Variants in PDIA3 observed in about 807,000 individuals in gnomAD.
PDIA3 encodes protein disulfide isomerase family A member 3, also known as protein disulfide-isomerase A3.
A neutral mutation model predicts 56.9 loss-of-function variants in PDIA3; 16 were observed. The ratio of observed to expected loss-of-function variants is 0.28; its 90% CI spans 0.19 to 0.43. The LOEUF (loss-of-function observed/expected upper bound fraction) is 0.43. PDIA3 is among the 20% of genes least tolerant of loss of function. The pLI is 1.00. For missense variants in PDIA3, 485 were observed against 621.3 expected (o/e 0.78, Z 2.33); for synonymous variants, 192 against 216.5 (o/e 0.89, Z 0.99).
intron 7 of PDIA3, 66 bp from the exon 8 acceptor site, chr15:43,766,662 T>G (rs2086849081): frequency 2.4e-6 from 3 of 1,272,406 alleles, no homozygotes; most frequent in Admixed American, 2.1e-5. Context: ...ATCACTTGCT[T>G]CTTAGTTTCA....
intron 4 of PDIA3, 133 bp from the exon 5 acceptor site, chr15:43,762,944 G>C: frequency 1.3e-6 from 1 of 791,764 alleles, no homozygotes; most frequent in Non-Finnish European, 2.0e-6. Flanking sequence ...GTCTGAGGTA[G>C]TCATGGCAAA....
At chr15:43,767,330 C>T (rs970120754) in intron 8 of PDIA3, among the ~76,000 whole-genome samples, 6 of 151,784 alleles carry the variant, frequency 4.0e-5, no homozygotes, top group Non-Finnish European at 8.8e-5. Flanking sequence ...CTGGCCTGGG[C>T]AACAAGAGCG....
In PDIA3 at chr15:43,761,689, A is replaced by G. The variant is rs12101756; in HGVS notation, c.472+158A>G. Among the ~76,000 whole-genome samples, 24,563 of 151,962 alleles carry G rather than the reference A, an allele frequency of 0.16. 2,607 individuals carry two copies. Among genetic ancestry groups the G allele is most frequent in the African/African-American group, 0.29 (12,001 of 41,400 alleles). The stretch of plus-strand genomic sequence containing the variant: ...GGGTCAGCAATTACTATAATGTACT[A>G]TATAGTACATTATATAATTACTATA... On this transcript the variant is annotated intron_variant, in intron 4 of 12. Transcript: ENST00000300289.
intron 3 of PDIA3, among the ~76,000 whole-genome samples, chr15:43,758,980 AAAAAAT>A (rs1956577892): frequency 6.6e-6 from 1 of 151,848 alleles, no homozygotes; most frequent in South Asian, 2.1e-4. Flanking sequence ...GTCTCAAAAA[AAAAAAT>A]AAAAATGAAA....
At chr15:43,768,665 T>C in intron 9 of PDIA3, 68 bp downstream of exon 9, 2 of 1,063,468 alleles carry the variant, frequency 1.9e-6, no homozygotes, top group East Asian at 4.8e-5. Context: ...TCCAAAACTG[T>C]GGGGTCTAAA....
rs755271489 is a variant in PDIA3 at position 43,766,767 on chromosome 15, C to G, written c.885C>G (p.His295Gln). 1 of 1,613,912 alleles carries G rather than the reference C, an allele frequency of 6.2e-7. No homozygotes were observed. The highest frequency in any genetic ancestry group is 1.3e-5 in the African/African-American group (1 of 75,042). The change falls in exon 8 of 13, where the codon CAC (histidine) becomes CAG (glutamine). Residue 295 changes from histidine (H) to glutamine (Q), a missense_variant. By Grantham distance (24) the His-to-Gln change is conservative. Transcript: ENST00000300289. ...MVAKKFLDAG[H>Q]KLNFAVASRK... ...CAAAGAAATTCCTGGATGCTGGGCA[C>G]AAACTCAACTTTGCTGTAGCTAGCC...
At chr15:43,760,208 T>C (rs1418161455) in intron 3 of PDIA3, among the ~76,000 whole-genome samples, 3 of 151,938 alleles carry the variant, frequency 2.0e-5, no homozygotes, top group African/African-American at 7.3e-5. Flanking sequence ...CTGGGCAACA[T>C]AGTGAGACCC....
intron 4 of PDIA3, among the ~76,000 whole-genome samples, chr15:43,762,525 A>T (rs1001969578): frequency 3.9e-5 from 6 of 152,084 alleles, no homozygotes; most frequent in Non-Finnish European, 7.4e-5. Flanking sequence ...AAAAAAAAAA[A>T]AAAAGTGACT....
chr15:43,768,636 C>T lies in PDIA3; in HGVS notation c.1137+39C>T, dbSNP rs781143476. On this transcript the variant is annotated intron_variant, in intron 9 of 12. Transcript: ENST00000300289. ...AGCCTCATCAAGCTATGAGCAATTGCCTGTCCTCATTTCTTTGTTCCAAAA... is the reference window on the plus strand; with the variant it reads ...AGCCTCATCAAGCTATGAGCAATTGTCTGTCCTCATTTCTTTGTTCCAAAA... The T allele has an allele frequency of 7.7e-6, 10 of 1,297,956 alleles. No individual in the cohort carries two copies. In the South Asian group the frequency reaches 1.2e-4, roughly 15 times the overall value. The allele number at this position is 1,297,956 out of a possible 1,614,324, so 80.4% of individuals were successfully genotyped here.
chr15:43,755,193 G>A (rs1343786377), intron 2 of PDIA3, among the ~76,000 whole-genome samples: 1 of 152,072 alleles, frequency 6.6e-6, no homozygotes, highest in African/African-American at 2.4e-5. Flanking sequence ...CATGTGTGGT[G>A]GCAGGTGCCT....
At chr15:43,770,610 T>C (rs2086875234) in intron 12 of PDIA3, 30 bp downstream of exon 12, 2 of 1,369,846 alleles carry the variant, frequency 1.5e-6, no homozygotes, top group South Asian at 1.2e-5. Flanking sequence ...TCCCCACAAA[T>C]ATATACACAG....
At position 43,773,131 on chromosome 15, in the gene PDIA3, CT is replaced by C. The variant is rs1567160975; in HGVS notation, c.*1917del. On this transcript the variant is annotated 3_prime_UTR_variant, in exon 13 of 13. Coordinates refer to ENST00000300289, the MANE Select transcript of PDIA3 (RefSeq NM_005313.5). The stretch of plus-strand genomic sequence containing the variant: ...CTTGATAACTTCAGCTGCCCCTGTT[CT>C]TTTCCTCAAACTCCAGGATGAGACC... 3 of 1,608,454 alleles carry C rather than the reference CT, an allele frequency of 1.9e-6. No individual in the cohort carries two copies. The South Asian group carries it at 3.3e-5, about 18-fold the overall frequency.
At chr15:43,759,125 C>G (rs1305208232) in intron 3 of PDIA3, among the ~76,000 whole-genome samples, 1 of 152,042 alleles carries the variant, frequency 6.6e-6, no homozygotes, top group Non-Finnish European at 1.5e-5. Flanking sequence ...CCCGTCTCTA[C>G]TAAAAATACA....
chr15:43,769,087 C>T (rs879882273), intron 9 of PDIA3, among the ~76,000 whole-genome samples: 5 of 151,162 alleles, frequency 3.3e-5, no homozygotes, highest in African/African-American at 7.3e-5. Flanking sequence ...GTAAAGCCTG[C>T]GTAGAATTTT....
chr15:43,765,947 A>T lies in PDIA3; in HGVS notation c.780A>T (p.Leu260Phe). 1 of 1,613,432 alleles carries T rather than the reference A, an allele frequency of 6.2e-7. No individual in the cohort carries two copies. The highest frequency in any genetic ancestry group is 8.5e-7 in the Non-Finnish European group (1 of 1,179,518). ...DNKDLIQGKD[L>F]LIAYYDVDYE... ...AAGATTTGATACAGGGCAAGGACTT[A>T]CTTATTGCTTACTATGATGTGGACT... The change falls in exon 7 of 13, where the codon TTA becomes TTT. Residue 260 changes from leucine (L) to phenylalanine (F), a missense_variant. Leu to Phe is a conservative substitution (Grantham distance 22). Coordinates refer to ENST00000300289, the MANE Select transcript of PDIA3 (RefSeq NM_005313.5).
chr15:43,771,112 G>T lies in PDIA3; in HGVS notation c.1412G>T (p.Arg471Leu), dbSNP rs1053728. The change falls in exon 13 of 13, where the codon CGT becomes CTT. Residue 471 changes from arginine (R) to leucine (L), a missense_variant. Arg to Leu is a moderately radical substitution (Grantham distance 102). Transcript: ENST00000300289. ...TGATCTTTCTGTTTTCAGGGTGGCC[G>T]TGAATTAAGTGATTTTATTAGCTAT... The part of the protein sequence containing the change: ...KLNPKKYEGG[R>L]ELSDFISYLQ... The T allele has an allele frequency of 6.2e-7, 1 of 1,608,982 alleles. No individual in the cohort carries two copies. Among genetic ancestry groups the T allele is most frequent in the Non-Finnish European group, 8.5e-7 (1 of 1,176,162 alleles).
chr15:43,750,142 C>T (rs1296707663), intron 1 of PDIA3, among the ~76,000 whole-genome samples: 2 of 144,946 alleles, frequency 1.4e-5, no homozygotes, highest in Non-Finnish European at 1.5e-5. Flanking sequence ...GATCCCGGCT[C>T]TGCAACCTCC....
intron 7 of PDIA3, 134 bp downstream of exon 7, chr15:43,766,146 A>T: frequency 3.0e-6 from 2 of 665,770 alleles, no homozygotes; most frequent in Non-Finnish European, 4.6e-6. Context: ...AAAAAAAAAA[A>T]AAAAAAATTA....
At chr15:43,751,903 C>T in intron 1 of PDIA3, 1 of 475,390 alleles carries the variant, frequency 2.1e-6, no homozygotes. Context: ...AAACAATTAA[C>T]TCATAAATCT....
Sources: gnomAD v4.1 joint callset for allele counts (sites outside exome capture counted in the v4.1 genomes callset) on GRCh38, gnomAD v4.1.1 for gene constraint, MANE v1.5 for transcripts, NCBI Gene and HGNC (gene_info 2026-07-23, HGNC 2026-07-21) for gene names.